The following MAP7 variants were observed in gnomAD, a reference collection of about 807,000 sequenced individuals.
The protein encoded by MAP7 is ensconsin.
A neutral mutation model predicts 94.8 loss-of-function variants in MAP7; 52 were observed. That is an observed-to-expected ratio of 0.55 (90% confidence interval 0.44 to 0.69). The LOEUF (loss-of-function observed/expected upper bound fraction) is 0.69, where lower values mean the gene tolerates loss of function less well. Ranked by LOEUF, MAP7 falls within the 30% of genes least tolerant of loss-of-function variation. The pLI, the probability that MAP7 is intolerant of heterozygous loss-of-function variation, is 0.00. For synonymous variants in MAP7, 350 were observed against 357.0 expected (o/e 0.98, Z 0.22); for missense variants, 940 against 964.6 (o/e 0.97, Z 0.34).
chr6:136,480,537 G>T (rs1812430260), intron 1 of MAP7, among the ~76,000 whole-genome samples: 1 of 150,328 alleles, frequency 6.7e-6, no homozygotes, highest in South Asian at 2.1e-4. Flanking sequence ...AGCTACTCGG[G>T]AGGCTGAGGC....
At chr6:136,367,234 A>AAAAC (rs749297668) in intron 8 of MAP7, among the ~76,000 whole-genome samples, 27 of 152,220 alleles carry the variant, frequency 1.8e-4, no homozygotes, top group Non-Finnish European at 2.6e-4. Context: ...AATGAAGACC[A>AAAAC]AAACAAACAA....
intron 3 of MAP7, among the ~76,000 whole-genome samples, chr6:136,411,363 T>C (rs957036472): frequency 6.6e-6 from 1 of 152,194 alleles, no homozygotes; most frequent in African/African-American, 2.4e-5. Flanking sequence ...TAGTAAAATG[T>C]AAGCTGTACC....
rs567456143 is a variant in MAP7 at position 136,530,900 on chromosome 6, T to C, written c.67+19442A>G. On this transcript the variant is annotated intron_variant, in intron 1 of 17. Coordinates refer to ENST00000354570, the MANE Select transcript of MAP7 (RefSeq NM_003980.6). ...TGTGGTGCCTTTTACAACATTTCTATAAATCTTCACTGCAAAACACTTCAT... is the reference window on the plus strand; with the variant it reads ...TGTGGTGCCTTTTACAACATTTCTACAAATCTTCACTGCAAAACACTTCAT... 3.4e-5 allele frequency among the ~76,000 whole-genome samples: 5 copies of C among 145,078 alleles called. 1 individual carries two copies. Among genetic ancestry groups the C allele is most frequent in the Admixed American group, 2.0e-4 (3 of 14,872 alleles).
chr6:136,463,032 C>T (rs557053540), intron 1 of MAP7, among the ~76,000 whole-genome samples: 2 of 151,088 alleles, frequency 1.3e-5, no homozygotes, highest in African/African-American at 4.8e-5. Context: ...TTCTAAATAT[C>T]ATAAGGCTCA....
At chr6:136,432,160 A>C (rs1291906479) in intron 1 of MAP7, among the ~76,000 whole-genome samples, 2 of 152,166 alleles carry the variant, frequency 1.3e-5, no homozygotes, top group Non-Finnish European at 2.9e-5. Flanking sequence ...GAAAATCCCC[A>C]ATTTGTTAAA....
At chr6:136,357,005 T>C (rs559114726) in intron 15 of MAP7, among the ~76,000 whole-genome samples, 1 of 151,540 alleles carries the variant, frequency 6.6e-6, no homozygotes, top group East Asian at 1.9e-4. Flanking sequence ...TGTATTAATA[T>C]TAATACATGT....
chr6:136,398,243 G>A (rs1038992466), intron 3 of MAP7, among the ~76,000 whole-genome samples: 4 of 152,196 alleles, frequency 2.6e-5, no homozygotes, highest in African/African-American at 7.2e-5. Context: ...CCACTTACAA[G>A]CTATGTGCCA....
At chr6:136,446,442 C>T (rs1325184474) in intron 1 of MAP7, among the ~76,000 whole-genome samples, 1 of 152,196 alleles carries the variant, frequency 6.6e-6, no homozygotes, top group Non-Finnish European at 1.5e-5. Context: ...TCAGGAAGCT[C>T]CCCAACCCAG....
At chr6:136,537,019 C>T (rs1828938881) in intron 1 of MAP7, among the ~76,000 whole-genome samples, 1 of 152,160 alleles carries the variant, frequency 6.6e-6, no homozygotes, top group Non-Finnish European at 1.5e-5. Flanking sequence ...TTCTTGAAGA[C>T]TTACTTGCTA....
chr6:136,383,819 A>G (rs374864642), intron 5 of MAP7, 38 bp from the exon 6 acceptor site: 2 of 1,249,524 alleles, frequency 1.6e-6, no homozygotes, highest in African/African-American at 3.0e-5. Flanking sequence ...GACAGCCAAC[A>G]TGTAGGATTG....
chr6:136,526,221 C>G, intron 1 of MAP7: 1 of 1,206,530 alleles, frequency 8.3e-7, no homozygotes, highest in South Asian at 2.2e-5. Flanking sequence ...ACTGACTCCC[C>G]GACAGGCACA....
At chr6:136,535,330 A>G (rs1391904471) in intron 1 of MAP7, among the ~76,000 whole-genome samples, 2 of 152,200 alleles carry the variant, frequency 1.3e-5, no homozygotes, top group African/African-American at 4.8e-5. Context: ...GACCCTCAGC[A>G]GAAGCCGAGC....
intron 1 of MAP7, among the ~76,000 whole-genome samples, chr6:136,532,942 C>T (rs888809331): frequency 3.9e-5 from 6 of 152,248 alleles, no homozygotes; most frequent in Non-Finnish European, 7.3e-5. Context: ...CTCTGATCTC[C>T]GCACCTGCGG....
At chr6:136,528,216 G>A (rs943532422) in intron 1 of MAP7, among the ~76,000 whole-genome samples, 13 of 152,126 alleles carry the variant, frequency 8.5e-5, no homozygotes, top group East Asian at 1.9e-4. Flanking sequence ...ATCCTAGATC[G>A]ATCTCCAATT....
chr6:136,398,720 C>T (rs1287208235), intron 3 of MAP7, among the ~76,000 whole-genome samples: 1 of 152,192 alleles, frequency 6.6e-6, no homozygotes, highest in African/African-American at 2.4e-5. Context: ...TCCTCAGCCA[C>T]GTGGAACTTT....
chr6:136,402,905 C>CAAAAAAAAAAAAAAAAAAAAA (rs57114676), intron 3 of MAP7, among the ~76,000 whole-genome samples: 35 of 67,392 alleles, frequency 5.2e-4, no homozygotes, highest in East Asian at 1.1e-3. Flanking sequence ...GACTCTGTCT[C>CAAAAAAAAAAAAAAAAAAAAA]AAAAAAAAAA....
intron 3 of MAP7, among the ~76,000 whole-genome samples, chr6:136,411,248 G>A (rs1466356601): frequency 6.6e-6 from 1 of 152,166 alleles, no homozygotes; most frequent in African/African-American, 2.4e-5. Context: ...TTCAATGGCA[G>A]CATTATTTTA....
intron 1 of MAP7, among the ~76,000 whole-genome samples, chr6:136,463,490 T>C (rs1805926557): frequency 6.6e-6 from 1 of 152,230 alleles, no homozygotes; most frequent in South Asian, 2.1e-4. Context: ...AGAATTTTTT[T>C]TTCCAAAATG....
chr6:136,530,219 T>C (rs1055877141), intron 1 of MAP7, among the ~76,000 whole-genome samples: 8 of 152,342 alleles, frequency 5.3e-5, no homozygotes, highest in Admixed American at 2.0e-4. Context: ...TACTATTCAA[T>C]GGCTGTAGCT....
Sources: gnomAD v4.1 joint callset for allele counts (sites outside exome capture counted in the v4.1 genomes callset) on GRCh38, gnomAD v4.1.1 for gene constraint, MANE v1.5 for transcripts, NCBI Gene and HGNC (gene_info 2026-07-23, HGNC 2026-07-21) for gene names.